Variants in LRCH1 observed in about 807,000 individuals in gnomAD.
The protein encoded by LRCH1 is leucine rich repeats and calponin homology domain containing 1, also known as leucine-rich repeat and calponin homology domain-containing protein 1.
A neutral mutation model predicts 94.9 loss-of-function variants in LRCH1; 23 were observed. The ratio of observed to expected loss-of-function variants is 0.24; its 90% confidence interval spans 0.17 to 0.34. LRCH1 has a LOEUF of 0.34. Among genes scored for constraint, LRCH1 ranks in the 10% least tolerant of loss-of-function variants. The pLI is 1.00. For synonymous variants in LRCH1, 364 were observed against 354.9 expected (o/e 1.03, Z -0.29); for missense variants, 790 against 945.9 (o/e 0.84, Z 2.16).
chr13:46,604,327 A>G (rs2050664694), intron 1 of LRCH1, among the ~76,000 whole-genome samples: 1 of 152,092 alleles, frequency 6.6e-6, no homozygotes, highest in Admixed American at 6.5e-5. Context: ...TCAGAGCCTC[A>G]GGTGTCTTCT....
Position 46,558,572 on chromosome 13 carries a change from C to CAAAAAAAAAAAAAAAAAAAA in LRCH1, c.307+4876_307+4895dup, listed in dbSNP as rs575874794. Among the ~76,000 whole-genome samples the CAAAAAAAAAAAAAAAAAAAA allele has an allele frequency of 7.6e-4, 26 of 34,398 alleles. 3 individuals carry two copies. Among genetic ancestry groups the CAAAAAAAAAAAAAAAAAAAA allele is most frequent in the Non-Finnish European group, 1.1e-3 (18 of 17,008 alleles). 22.6% of individuals were successfully genotyped at this position (34,398 alleles called of 152,430 possible). A position where few individuals can be genotyped will look rare whatever the true frequency, so the allele number is the denominator to read the frequency against. ...CCAAGACGGTGAAACCCTGTGTCTA[C>CAAAAAAAAAAAAAAAAAAAA]AAAAAAAAAAAAAAAAAAAAAAAAA... On this transcript the variant is annotated intron_variant, in intron 1 of 19. Transcript: ENST00000389797.
At position 46,684,847 on chromosome 13, in the gene LRCH1, T is replaced by C. The variant is rs867906358; in HGVS notation, c.686-1058T>C. 2.6e-5 allele frequency among the ~76,000 whole-genome samples: 4 copies of C among 152,342 alleles called. No homozygotes were observed. In the South Asian group the frequency reaches 8.3e-4, roughly 32 times the overall value. On this transcript the variant is annotated intron_variant, in intron 4 of 19. Coordinates refer to ENST00000389797, the MANE Select transcript of LRCH1 (RefSeq NM_001164211.2). ...CCTTACATTCCCAGAGTGCCTTGAA[T>C]TCTGAGAGAGGTACTGGTTACTAGA...
intron 1 of LRCH1, among the ~76,000 whole-genome samples, chr13:46,609,653 T>A (rs1397004673): frequency 6.6e-6 from 1 of 152,218 alleles, no homozygotes; most frequent in Non-Finnish European, 1.5e-5. Flanking sequence ...AGTGAAGGTG[T>A]GTGTGTTAGG....
Position 46,723,280 on chromosome 13 carries a change from A to G in LRCH1, c.1819A>G (p.Lys607Glu). 1 of 1,613,608 alleles carries G rather than the reference A, an allele frequency of 6.2e-7. No individual in the cohort carries two copies. The change falls in exon 17 of 20, where the codon AAA (lysine) becomes GAA (glutamate). Residue 607 changes from lysine (K) to glutamate (E), a missense_variant. By Grantham distance (56) the Lys-to-Glu change is moderately conservative. Around this residue, in one of 3 missense-constraint regions of LRCH1, gnomAD observed 460 missense variants for 508.9 expected, o/e 0.90. Coordinates refer to ENST00000389797, the MANE Select transcript of LRCH1 (RefSeq NM_001164211.2). Reference protein sequence around the residue: ...SIDPQFTIRRKMEQMREEKEL... With the variant: ...SIDPQFTIRREMEQMREEKEL... ...AGACCCGCAGTTTACAATCCGGAGG[A>G]AAATGGAGCAGATGAGAGAAGAGAA...
intron 6 of LRCH1, among the ~76,000 whole-genome samples, chr13:46,688,571 T>G (rs1316423902): frequency 6.6e-6 from 1 of 152,224 alleles, no homozygotes; most frequent in Non-Finnish European, 1.5e-5. Context: ...GTTATAGAAA[T>G]GCAGGTTCTT....
intron 1 of LRCH1, among the ~76,000 whole-genome samples, chr13:46,602,743 AG>A (rs2050641474): frequency 3.3e-5 from 5 of 152,306 alleles, no homozygotes; most frequent in Admixed American, 3.3e-4. Context: ...ACTTGAGCCC[AG>A]GACTTTGAGA....
At chr13:46,594,948 C>T (rs1374317087) in intron 1 of LRCH1, among the ~76,000 whole-genome samples, 2 of 152,114 alleles carry the variant, frequency 1.3e-5, no homozygotes, top group Non-Finnish European at 2.9e-5. Flanking sequence ...TAAAGAAAGT[C>T]TCATAAATGA....
downstream of LRCH1, chr13:46,745,021 A>G: frequency 1.6e-6 from 1 of 612,754 alleles, no homozygotes; most frequent in Non-Finnish European, 2.0e-6. Context: ...CAATCTCTGC[A>G]AGGCCCTGGG....
rs2051684679 is a variant in LRCH1 at position 46,677,111 on chromosome 13, A to T, written c.580-4630A>T. Among the ~76,000 whole-genome samples, 4 of 152,090 alleles carry T rather than the reference A, an allele frequency of 2.6e-5. No homozygotes were observed. The South Asian group carries it at 8.3e-4, about 32-fold the overall frequency. On this transcript the variant is annotated intron_variant, in intron 3 of 19. Transcript: ENST00000389797. Reference sequence around the variant, plus strand: ...GGTTTTCACTAGACATCATTCCTTAAAAAAATACTTCTAGTCAGCCGGGCA... The same window carrying T: ...GGTTTTCACTAGACATCATTCCTTATAAAAATACTTCTAGTCAGCCGGGCA...
At chr13:46,590,309 C>A (rs1785781523) in intron 1 of LRCH1, among the ~76,000 whole-genome samples, 1 of 152,182 alleles carries the variant, frequency 6.6e-6, no homozygotes, top group South Asian at 2.1e-4. Flanking sequence ...TCTATCTCCT[C>A]TTCTTTGCTC....
intron 1 of LRCH1, among the ~76,000 whole-genome samples, chr13:46,561,548 CCT>C (rs140766118): frequency 0.022 from 3,348 of 152,236 alleles, 122 homozygotes; most frequent in African/African-American, 0.077. Context: ...ACGATGTGTT[CCT>C]CTGTTATTCT....
intron 10 of LRCH1, among the ~76,000 whole-genome samples, chr13:46,700,701 C>T (rs1871417923): frequency 6.6e-6 from 1 of 152,146 alleles, no homozygotes; most frequent in Non-Finnish European, 1.5e-5. Context: ...CACACTGAAA[C>T]CCTATATGCA....
At chr13:46,708,645 A>G (rs1871901477) in intron 13 of LRCH1, among the ~76,000 whole-genome samples, 2 of 152,204 alleles carry the variant, frequency 1.3e-5, no homozygotes, top group African/African-American at 4.8e-5. Context: ...GTTATTAGAA[A>G]TTGCTATTGT....
intron 19 of LRCH1, among the ~76,000 whole-genome samples, chr13:46,740,347 G>A (rs1873589138): frequency 6.6e-6 from 1 of 152,148 alleles, no homozygotes; most frequent in African/African-American, 2.4e-5. Flanking sequence ...TTTGTTAAGA[G>A]TATCTCTAAC....
At chr13:46,585,785 G>A (rs1382331248) in intron 1 of LRCH1, among the ~76,000 whole-genome samples, 14 of 138,594 alleles carry the variant, frequency 1.0e-4, no homozygotes, top group Admixed American at 7.2e-4. Context: ...CACCTTCCTC[G>A]GCTATTGATG....
intron 1 of LRCH1, among the ~76,000 whole-genome samples, chr13:46,638,437 T>G (rs2051119085): frequency 6.6e-6 from 1 of 152,230 alleles, no homozygotes. Context: ...CAGTTACTGA[T>G]GTAATTAATA....
intron 7 of LRCH1, among the ~76,000 whole-genome samples, chr13:46,690,920 CT>C (rs1263914959): frequency 6.6e-6 from 1 of 152,188 alleles, no homozygotes; most frequent in Non-Finnish European, 1.5e-5. Context: ...CATTCTTTTT[CT>C]TTGGCTGCTG....
intron 13 of LRCH1, among the ~76,000 whole-genome samples, chr13:46,707,438 A>G (rs1449797733): frequency 1.3e-5 from 2 of 152,198 alleles, no homozygotes; most frequent in Non-Finnish European, 1.5e-5. Context: ...TTATCACCCA[A>G]TCAAGATATA....
intron 1 of LRCH1, among the ~76,000 whole-genome samples, chr13:46,598,622 C>G (rs1175327416): frequency 6.6e-6 from 1 of 151,468 alleles, no homozygotes; most frequent in Non-Finnish European, 1.5e-5. Context: ...AACAAAATAG[C>G]CTTGCTCTGG....
Sources: gnomAD v4.1 joint callset for allele counts (sites outside exome capture counted in the v4.1 genomes callset) on GRCh38, gnomAD v4.1.1 for gene constraint, gnomAD v4.1.1 regional missense constraint, MANE v1.5 for transcripts, NCBI Gene and HGNC (gene_info 2026-07-23, HGNC 2026-07-21) for gene names.